The following MATN2 variants were observed in gnomAD, a reference collection of about 807,000 sequenced individuals.
MATN2 encodes the protein matrilin-2.
MATN2 carries 69 observed loss-of-function variants against 103.2 expected under a neutral mutation model. The observed-to-expected ratio is 0.67, with a 90% CI of 0.55 to 0.82. The LOEUF is 0.82. MATN2 is among the 40% of genes least tolerant of loss of function. The pLI, the probability that MATN2 is intolerant of heterozygous loss-of-function variation, is 0.00. For synonymous variants in MATN2, 429 were observed against 450.2 expected, an observed-to-expected ratio of 0.95 and a Z score of 0.60; for missense variants, 1,023 against 1,211.5, an observed-to-expected ratio of 0.84 and a Z score of 2.31.
intron 10 of MATN2, among the ~76,000 whole-genome samples, chr8:98,014,173 C>CA (rs1813278636): frequency 6.6e-6 from 1 of 152,116 alleles, no homozygotes; most frequent in South Asian, 2.1e-4. Flanking sequence ...AGGGAAGCTC[C>CA]AGGAAGGAAG....
At chr8:97,953,833 G>A (rs187547228) in intron 4 of MATN2, among the ~76,000 whole-genome samples, 87 of 150,910 alleles carry the variant, frequency 5.8e-4, no homozygotes, top group East Asian at 1.9e-3. Flanking sequence ...ATGGTGGTGC[G>A]TACCTTTAGT....
intron 13 of MATN2, among the ~76,000 whole-genome samples, chr8:98,023,458 C>T (rs1388930224): frequency 2.0e-5 from 3 of 151,810 alleles, no homozygotes; most frequent in African/African-American, 4.8e-5. Flanking sequence ...ATTGCTTGAG[C>T]TCAGGAGTTC....
At chr8:97,974,063 T>C (rs536804554) in intron 5 of MATN2, among the ~76,000 whole-genome samples, 4 of 152,320 alleles carry the variant, frequency 2.6e-5, no homozygotes, top group African/African-American at 9.6e-5. Flanking sequence ...CTTTAATTTT[T>C]TCCAAAGCTT....
chr8:97,897,913 T>A (rs531531788), intron 2 of MATN2, among the ~76,000 whole-genome samples: 1 of 152,208 alleles, frequency 6.6e-6, no homozygotes, highest in Non-Finnish European at 1.5e-5. Context: ...AGTTAAAAGC[T>A]TTTCTAGGCA....
At chr8:98,011,597 C>T (rs1281157404) in intron 10 of MATN2, among the ~76,000 whole-genome samples, 1 of 152,152 alleles carries the variant, frequency 6.6e-6, no homozygotes, top group Non-Finnish European at 1.5e-5. Context: ...TGAGAAAAAG[C>T]CTATATTAAG....
chr8:97,900,465 G>C (rs926434068), intron 2 of MATN2, among the ~76,000 whole-genome samples: 2 of 152,212 alleles, frequency 1.3e-5, no homozygotes, highest in African/African-American at 4.8e-5. Flanking sequence ...ATGAGCCCCA[G>C]AGGCCCTTAA....
At chr8:97,885,419 C>G (rs6985813) in intron 1 of MATN2, among the ~76,000 whole-genome samples, 118,103 of 151,944 alleles carry the variant, frequency 0.78, 46,998 homozygotes, top group Non-Finnish European at 0.88. Context: ...GTTCAAAGAG[C>G]CAGTGAGTTA....
At chr8:98,028,731 C>T (rs917555351) in intron 14 of MATN2, among the ~76,000 whole-genome samples, 4 of 152,032 alleles carry the variant, frequency 2.6e-5, no homozygotes, top group African/African-American at 9.7e-5. Context: ...GTACTACAGG[C>T]GCCCGCCACC....
chr8:97,888,081 C>G lies in MATN2; in HGVS notation c.-20C>G. ...TGTGTTGTGTTTGTCACAGCCTTGC[C>G]CCTCTTGCTCGCCTTGAAAATGGAA... On this transcript the variant is annotated 5_prime_UTR_variant, in exon 2 of 19. Transcript: ENST00000254898. 6.2e-7 allele frequency: 1 copy of G among 1,606,976 alleles called. No individual in the cohort carries two copies. Among genetic ancestry groups the G allele is most frequent in the Non-Finnish European group, 8.5e-7 (1 of 1,177,036 alleles).
At chr8:97,968,916 T>C (rs895885568) in intron 5 of MATN2, among the ~76,000 whole-genome samples, 1 of 152,254 alleles carries the variant, frequency 6.6e-6, no homozygotes, top group African/African-American at 2.4e-5. Flanking sequence ...GCTGCTTGCA[T>C]TGCTCTAAAG....
chr8:97,870,955 A>G (rs1432809071), intron 1 of MATN2, among the ~76,000 whole-genome samples: 1 of 152,186 alleles, frequency 6.6e-6, no homozygotes, highest in Non-Finnish European at 1.5e-5. Flanking sequence ...AATAGAATTC[A>G]ATCTCAGGCC....
chr8:97,907,312 C>CT (rs10557023), intron 2 of MATN2, among the ~76,000 whole-genome samples: 1 of 117,738 alleles, frequency 8.5e-6, no homozygotes, highest in East Asian at 2.6e-4. Context: ...TCATAGCTCA[C>CT]TTTTTTTTTT....
In MATN2 at chr8:97,931,842, A is replaced by G. The variant is rs553012280; in HGVS notation, c.712+320A>G. Among the ~76,000 whole-genome samples, 3 of 152,234 alleles carry G rather than the reference A, an allele frequency of 2.0e-5. No individual in the cohort carries two copies. The highest frequency in any genetic ancestry group is 2.0e-4 in the Admixed American group (3 of 15,294). On this transcript the variant is annotated intron_variant, in intron 3 of 18. Coordinates refer to ENST00000254898, the MANE Select transcript of MATN2 (RefSeq NM_002380.5). The surrounding 1 kb of genome is among the most constrained non-coding windows in gnomAD (Gnocchi z 4.1). ...CTTAGCCTCATGAGTAGCTGGGACT[A>G]CAGGTGTGCACCACCATGCCTGGCT...
chr8:97,870,717 A>G (rs1169669073), intron 1 of MATN2, among the ~76,000 whole-genome samples: 2 of 152,144 alleles, frequency 1.3e-5, no homozygotes, highest in African/African-American at 4.8e-5. Flanking sequence ...CGTGTATGCA[A>G]CTGGTAGTTC....
chr8:98,007,720 T>C lies in MATN2; in HGVS notation c.1573+119T>C. 1 of 1,208,392 alleles carries C rather than the reference T, an allele frequency of 8.3e-7. No homozygotes were observed. Among genetic ancestry groups the C allele is most frequent in the Non-Finnish European group, 1.2e-6 (1 of 867,134 alleles). 74.9% of individuals were successfully genotyped at this position (1,208,392 alleles called of 1,614,324 possible). A position where few individuals can be genotyped will look rare whatever the true frequency, so the allele number is the denominator to read the frequency against. On this transcript the variant is annotated intron_variant, in intron 10 of 18. Coordinates refer to ENST00000254898, the MANE Select transcript of MATN2 (RefSeq NM_002380.5). This position sits in a 1 kb window ranked among gnomAD's most constrained non-coding sequence, Gnocchi z 4.2. ...GTCTCCAGGCTTTGCTGGGCCTGCA[T>C]GAATGTGTGTGACAGCATCTCTTAG...
chr8:97,877,872 T>C (rs1818126473), intron 1 of MATN2, among the ~76,000 whole-genome samples: 1 of 152,140 alleles, frequency 6.6e-6, no homozygotes, highest in Non-Finnish European at 1.5e-5. Flanking sequence ...AGACAGTGAG[T>C]GTCCAAAGTG....
intron 1 of MATN2, among the ~76,000 whole-genome samples, chr8:97,876,186 ATTT>A (rs899171638): frequency 1.5e-4 from 16 of 106,266 alleles, no homozygotes; most frequent in African/African-American, 4.9e-4. Context: ...TAATTATTGT[ATTT>A]TTTTTTTTTT....
At chr8:97,966,927 AT>A (rs1158956801) in intron 5 of MATN2, among the ~76,000 whole-genome samples, 1 of 152,186 alleles carries the variant, frequency 6.6e-6, no homozygotes, top group African/African-American at 2.4e-5. Context: ...TTGGCTCATG[AT>A]TCTGCAGGCT....
At chr8:97,986,451 C>T in intron 6 of MATN2, among the ~76,000 whole-genome samples, 1 of 152,136 alleles carries the variant, frequency 6.6e-6, no homozygotes, top group Non-Finnish European at 1.5e-5. Context: ...CACCATCCTC[C>T]CACCCCAAGT....
Sources: gnomAD v4.1 joint callset for allele counts (sites outside exome capture counted in the v4.1 genomes callset) on GRCh38, gnomAD v4.1.1 for gene constraint, Gnocchi (gnomAD v3.1) non-coding constraint, MANE v1.5 for transcripts, NCBI Gene and HGNC (gene_info 2026-07-23, HGNC 2026-07-21) for gene names.